The following TMEM273 variants were observed in gnomAD, a reference collection of about 807,000 sequenced individuals.
TMEM273 encodes the protein transmembrane protein 273, also known as chromosome 10 open reading frame 128.
In TMEM273, 19 loss-of-function variants were observed where a neutral mutation model predicts 17.9. That is an observed-to-expected ratio of 1.06 (90% CI 0.74 to 1.55). The LOEUF (loss-of-function observed/expected upper bound fraction) is 1.55, where lower values mean the gene tolerates loss of function less well. Ranked by LOEUF, TMEM273 falls within the 40% of genes most tolerant of loss-of-function variation. The pLI is 0.00. For missense variants in TMEM273, 194 were observed against 155.6 expected (o/e 1.25, Z -1.31); for synonymous variants, 66 against 62.0 (o/e 1.07, Z -0.31).
intron 6 of TMEM273, among the ~76,000 whole-genome samples, chr10:49,159,292 T>C (rs1246171879): frequency 6.6e-6 from 1 of 152,150 alleles, no homozygotes; most frequent in African/African-American, 2.4e-5. Context: ...ACAGAGAATA[T>C]AATTAATTTC....
At chr10:49,165,596 C>G (rs1846126211) in intron 4 of TMEM273, among the ~76,000 whole-genome samples, 170 bp downstream of exon 4, 1 of 152,228 alleles carries the variant, frequency 6.6e-6, no homozygotes, top group South Asian at 2.1e-4. Context: ...CACCTGCCCA[C>G]TGGTCCAGAG....
At chr10:49,170,269 GC>G (rs1012885402) in intron 1 of TMEM273, among the ~76,000 whole-genome samples, 41 of 152,264 alleles carry the variant, frequency 2.7e-4, no homozygotes, top group African/African-American at 9.4e-4. Flanking sequence ...ACATCAAAAG[GC>G]CCCAGCCCTG....
rs907274586 is a variant in TMEM273 at position 49,156,280 on chromosome 10, A to G, written c.373-371T>C. The G allele has an allele frequency of 3.8e-6, 5 of 1,325,250 alleles. No individual in the cohort carries two copies. In the African/African-American group the frequency reaches 7.5e-5, roughly 20 times the overall value. The allele number at this position is 1,325,250 out of a possible 1,614,324, so 82.1% of individuals were successfully genotyped here. ...AGATGCTACGAGGAACAAGATAGAT[A>G]GACCTATGAGAATAGAACTGGAAAA... On this transcript the variant is annotated intron_variant, in intron 6 of 6. Coordinates refer to ENST00000374153, the MANE Select transcript of TMEM273 (RefSeq NM_001288740.3).
At chr10:49,167,065 C>A in intron 2 of TMEM273, 56 bp from the exon 3 acceptor site, 1 of 1,597,376 alleles carries the variant, frequency 6.3e-7, no homozygotes, top group East Asian at 2.2e-5. Context: ...GCTCCCTCTG[C>A]ATTCCAGATG....
Position 49,166,948 on chromosome 10 carries a change from G to T in TMEM273, c.159C>A (p.Ala53=). 3 of 1,614,148 alleles carry T rather than the reference G, an allele frequency of 1.9e-6. No individual in the cohort carries two copies. Among genetic ancestry groups the T allele is most frequent in the Non-Finnish European group, 2.5e-6 (3 of 1,180,036 alleles). ...VGVAISAGFL[A]LKICMIRRHL... ...GCCTCCTGATCATGCAGATCTTCAG[G>T]GCCAGGAAGCCAGCAGATATGGCGA... is the stretch of plus-strand genomic sequence containing the variant. Residue 53 remains alanine (A), a synonymous_variant, in exon 3 of 7, where the codon GCC becomes GCA. Transcript: ENST00000374153.
chr10:49,171,556 C>T (rs1157395354), intron 1 of TMEM273, among the ~76,000 whole-genome samples: 1 of 152,246 alleles, frequency 6.6e-6, no homozygotes, highest in South Asian at 2.1e-4. Flanking sequence ...ACCTGGTACT[C>T]TGTGCCTCCC....
At position 49,167,901 on chromosome 10, in the gene TMEM273, C is replaced by A. The variant is rs1464445633; in HGVS notation, c.97+8G>T. 6.2e-7 allele frequency: 1 copy of A among 1,613,836 alleles called. No homozygotes were observed. The highest frequency in any genetic ancestry group is 8.5e-7 in the Non-Finnish European group (1 of 1,179,918). On this transcript the variant is annotated splice_region_variant and intron_variant, in intron 2 of 6. Transcript: ENST00000374153. ...CCTGTGCACAGAATAACATGGGCAG[C>A]CACGTACCAATTTCAGCCCCAGGGG...
intron 6 of TMEM273, 117 bp downstream of exon 6, chr10:49,161,481 TG>T: frequency 7.6e-7 from 1 of 1,316,044 alleles, no homozygotes. Context: ...GGCCATGCCA[TG>T]GTTGCCCGTC....
intron 6 of TMEM273, among the ~76,000 whole-genome samples, chr10:49,159,070 G>A (rs1429372502): frequency 6.6e-6 from 1 of 152,134 alleles, no homozygotes; most frequent in Admixed American, 6.5e-5. Flanking sequence ...GAACACGGTA[G>A]AGTGGACAGT....
chr10:49,177,542 T>C (rs770421611), intron 1 of TMEM273, among the ~76,000 whole-genome samples: 2 of 152,242 alleles, frequency 1.3e-5, no homozygotes, highest in Non-Finnish European at 2.9e-5. Flanking sequence ...GACAGTGGCC[T>C]CTTTTCATGG....
chr10:49,165,927 T>A, intron 3 of TMEM273, 131 bp from the exon 4 acceptor site: 8 of 1,136,610 alleles, frequency 7.0e-6, no homozygotes, highest in Non-Finnish European at 1.0e-5. Flanking sequence ...GGGGCCTGGC[T>A]GCTATGTGAT....
chr10:49,159,779 C>T (rs1398287999), intron 6 of TMEM273, among the ~76,000 whole-genome samples: 1 of 151,670 alleles, frequency 6.6e-6, no homozygotes, highest in African/African-American at 2.4e-5. Context: ...AAAATTAGAC[C>T]CTTGTGCTAC....
In TMEM273 at chr10:49,155,659, T is replaced by C; in HGVS notation, c.*233A>G. The C allele has an allele frequency of 1.6e-6, 1 of 607,544 alleles. No homozygotes were observed. 37.6% of individuals were successfully genotyped at this position (607,544 alleles called of 1,614,324 possible). ...CCACCTTCTTCCACTGCAGGCTAAA[T>C]TGCTCAATCCTTCCTCTGTGCAGTC... On this transcript the variant is annotated 3_prime_UTR_variant, in exon 7 of 7. Coordinates refer to ENST00000374153, the MANE Select transcript of TMEM273 (RefSeq NM_001288740.3).
At chr10:49,170,359 C>A (rs536038810) in intron 1 of TMEM273, among the ~76,000 whole-genome samples, 4 of 152,268 alleles carry the variant, frequency 2.6e-5, no homozygotes, top group African/African-American at 7.2e-5. Context: ...CTTCACCCCC[C>A]AAATGTGTTG....
At chr10:49,187,622 G>C (rs370679375) in intron 1 of TMEM273, among the ~76,000 whole-genome samples, 1 of 152,004 alleles carries the variant, frequency 6.6e-6, no homozygotes, top group Non-Finnish European at 1.5e-5. Context: ...CTATGTCTCT[G>C]TCTGTCTCTC....
intron 1 of TMEM273, 78 bp from the exon 2 acceptor site, chr10:49,168,040 G>A (rs1306993860): frequency 1.3e-6 from 2 of 1,574,610 alleles, no homozygotes; most frequent in Non-Finnish European, 1.7e-6. Context: ...AGAGGCCTGG[G>A]AAAGCCTACC....
At chr10:49,178,321 G>C (rs982876512) in intron 1 of TMEM273, 1 of 456,764 alleles carries the variant, frequency 2.2e-6, no homozygotes, top group Non-Finnish European at 4.4e-6. Flanking sequence ...AGAGGCTGAT[G>C]TTCCACTTCG....
chr10:49,185,661 T>G (rs946900603), intron 1 of TMEM273, among the ~76,000 whole-genome samples: 3 of 152,180 alleles, frequency 2.0e-5, no homozygotes, highest in Non-Finnish European at 4.4e-5. Flanking sequence ...GAAATTAAGA[T>G]GCTGTATAAT....
chr10:49,173,137 G>A (rs1417783767), intron 1 of TMEM273, among the ~76,000 whole-genome samples: 1 of 152,220 alleles, frequency 6.6e-6, no homozygotes, highest in Non-Finnish European at 1.5e-5. Context: ...TGCTGAAGAA[G>A]GTTGAGCCCA....
Sources: gnomAD v4.1 joint callset for allele counts (sites outside exome capture counted in the v4.1 genomes callset) on GRCh38, gnomAD v4.1.1 for gene constraint, MANE v1.5 for transcripts, NCBI Gene and HGNC (gene_info 2026-07-23, HGNC 2026-07-21) for gene names.